SLC24A2: variants seen among roughly 807,000 people sequenced by gnomAD.
The protein encoded by SLC24A2 is solute carrier family 24 member 2.
SLC24A2 carries 36 observed loss-of-function variants against 62.0 expected under a neutral mutation model. That is an observed-to-expected ratio of 0.58 (90% CI 0.44 to 0.77). The LOEUF (loss-of-function observed/expected upper bound fraction) is 0.77, where lower values mean the gene tolerates loss of function less well. Among genes scored for constraint, SLC24A2 ranks in the 30% least tolerant of loss-of-function variants. SLC24A2 has a pLI of 0.00. For synonymous variants in SLC24A2, 358 were observed against 294.0 expected (o/e 1.22, Z -2.23); for missense variants, 846 against 817.9 (o/e 1.03, Z -0.42).
chr9:20,040,468 T>G, the SLC24A2 span, among the ~76,000 whole-genome samples: 1 of 152,180 alleles, frequency 6.6e-6, no homozygotes, highest in Non-Finnish European at 1.5e-5. Context: ...ACTTCTGAGC[T>G]TACAGCAAGA....
intron 4 of SLC24A2, among the ~76,000 whole-genome samples, chr9:19,605,870 C>T (rs1049938555): frequency 6.6e-6 from 1 of 152,222 alleles, no homozygotes; most frequent in African/African-American, 2.4e-5. Context: ...GTAACTTGCC[C>T]AGGGGCACAC....
intron 9 of SLC24A2, among the ~76,000 whole-genome samples, chr9:19,523,231 A>G (rs1257591093): frequency 6.6e-6 from 1 of 152,116 alleles, no homozygotes; most frequent in Non-Finnish European, 1.5e-5. Context: ...AGAGGAGAAA[A>G]ATGGTGGTGT....
At chr9:19,608,750 T>G (rs992038307) in intron 4 of SLC24A2, among the ~76,000 whole-genome samples, 4 of 151,800 alleles carry the variant, frequency 2.6e-5, no homozygotes, top group African/African-American at 9.7e-5. Context: ...CTTAGTTTCC[T>G]GCACTGAAAT....
At chr9:20,265,875 A>G in the SLC24A2 span, among the ~76,000 whole-genome samples, 1 of 152,176 alleles carries the variant, frequency 6.6e-6, no homozygotes, top group African/African-American at 2.4e-5. Context: ...TGGGCCTCTA[A>G]AATGGCCCCC....
At chr9:20,172,837 A>G in the SLC24A2 span, among the ~76,000 whole-genome samples, 1 of 152,088 alleles carries the variant, frequency 6.6e-6, no homozygotes, top group African/African-American at 2.4e-5. Context: ...AATCCTTCCT[A>G]AATCATTCTG....
chr9:20,272,149 G>A, the SLC24A2 span, among the ~76,000 whole-genome samples: 4 of 152,130 alleles, frequency 2.6e-5, no homozygotes, highest in South Asian at 2.1e-4. Context: ...TGCATAATTC[G>A]TAGAGCCTAA....
At chr9:20,112,590 A>G in the SLC24A2 span, among the ~76,000 whole-genome samples, 1 of 152,140 alleles carries the variant, frequency 6.6e-6, no homozygotes, top group African/African-American at 2.4e-5. Flanking sequence ...GAGGCATTCC[A>G]TTCTGAGTGA....
intron 2 of SLC24A2, among the ~76,000 whole-genome samples, chr9:19,773,131 A>T (rs1822740484): frequency 6.6e-6 from 1 of 152,244 alleles, no homozygotes. Context: ...CTGACAAAGT[A>T]GATTAGTGGC....
chr9:19,907,549 A>AGAT, the SLC24A2 span, among the ~76,000 whole-genome samples: 1 of 152,356 alleles, frequency 6.6e-6, no homozygotes, highest in South Asian at 2.1e-4. Context: ...CCCTGTTTGC[A>AGAT]GATGACATGA....
chr9:20,119,379 T>C, the SLC24A2 span, among the ~76,000 whole-genome samples: 4,383 of 152,206 alleles, frequency 0.029, 85 homozygotes, highest in Non-Finnish European at 0.039. Flanking sequence ...TAAAAATATA[T>C]TCTCAACAAA....
chr9:19,612,795 T>C (rs1209273782), intron 4 of SLC24A2, among the ~76,000 whole-genome samples: 1 of 152,216 alleles, frequency 6.6e-6, no homozygotes, highest in Non-Finnish European at 1.5e-5. Context: ...GAGGATCACT[T>C]GAGCCCAGGA....
intron 3 of SLC24A2, among the ~76,000 whole-genome samples, chr9:19,621,372 G>A (rs1042779495): frequency 2.6e-5 from 4 of 152,184 alleles, no homozygotes; most frequent in African/African-American, 9.7e-5. Flanking sequence ...TATTCTATGG[G>A]CTCTCAATGA....
chr9:20,148,834 C>A, the SLC24A2 span, among the ~76,000 whole-genome samples: 6 of 152,082 alleles, frequency 3.9e-5, no homozygotes, highest in African/African-American at 1.4e-4. Context: ...GAAAACCCCA[C>A]ATGGCACAGC....
chr9:19,967,555 T>G, the SLC24A2 span: 1 of 152,254 alleles, frequency 6.6e-6, no homozygotes, highest in Non-Finnish European at 1.5e-5. Context: ...TCTGATGCAA[T>G]TTACGTTTAG....
the SLC24A2 span, among the ~76,000 whole-genome samples, chr9:20,215,458 A>T: frequency 1.3e-5 from 2 of 152,186 alleles, no homozygotes; most frequent in African/African-American, 4.8e-5. Flanking sequence ...CTGAAAAAAA[A>T]GTTTAATAAT....
intron 2 of SLC24A2, among the ~76,000 whole-genome samples, chr9:19,682,506 C>A (rs986987731): frequency 6.6e-6 from 1 of 152,100 alleles, no homozygotes; most frequent in South Asian, 2.1e-4. Flanking sequence ...AACTTCAACA[C>A]CAAACCACAG....
At chr9:19,930,998 T>C in the SLC24A2 span, among the ~76,000 whole-genome samples, 1 of 152,190 alleles carries the variant, frequency 6.6e-6, no homozygotes, top group Non-Finnish European at 1.5e-5. Flanking sequence ...GCAGAATTCA[T>C]TGACACTAGC....
At chr9:20,048,895 C>CT in the SLC24A2 span, among the ~76,000 whole-genome samples, 1 of 151,448 alleles carries the variant, frequency 6.6e-6, no homozygotes, top group East Asian at 1.9e-4. Flanking sequence ...CTTCTTTCCG[C>CT]TTTTTTTCCT....
chr9:19,559,125 C>T (rs1835267750), intron 7 of SLC24A2, among the ~76,000 whole-genome samples: 1 of 152,118 alleles, frequency 6.6e-6, no homozygotes, highest in South Asian at 2.1e-4. Context: ...AACACTCAAA[C>T]ATTCAAACAA....
Sources: gnomAD v4.1 joint callset for allele counts (sites outside exome capture counted in the v4.1 genomes callset) on GRCh38, gnomAD v4.1.1 for gene constraint, MANE v1.5 for transcripts, NCBI Gene and HGNC (gene_info 2026-07-23, HGNC 2026-07-21) for gene names.